The following PASK variants were observed in gnomAD, a reference collection of about 807,000 sequenced individuals.
The protein encoded by PASK is PAS domain-containing serine/threonine-protein kinase.
A neutral mutation model predicts 121.0 loss-of-function variants in PASK; 110 were observed. That is an observed-to-expected ratio of 0.91 (90% CI 0.78 to 1.06). The LOEUF (loss-of-function observed/expected upper bound fraction) is 1.06, where lower values mean the gene tolerates loss of function less well. Among genes scored for constraint, PASK ranks in the 50% least tolerant of loss-of-function variants. The pLI, the probability that PASK is intolerant of heterozygous loss-of-function variation, is 0.00. For missense variants in PASK, 1,643 were observed against 1,702.3 expected (o/e 0.97, Z 0.61); for synonymous variants, 686 against 717.8 (o/e 0.96, Z 0.71).
chr2:241,145,173 A>G (rs1401273428), intron 1 of PASK, among the ~76,000 whole-genome samples: 1 of 151,942 alleles, frequency 6.6e-6, no homozygotes, highest in Non-Finnish European at 1.5e-5. Flanking sequence ...GCGGCCTCCC[A>G]AACTGCTGGG....
chr2:241,137,318 C>A (rs1226507486), intron 6 of PASK, 54 bp from the exon 7 acceptor site: 2 of 1,510,612 alleles, frequency 1.3e-6, no homozygotes, highest in African/African-American at 2.7e-5. Flanking sequence ...GGACAGAGCA[C>A]TGAGTCTGTG....
Position 241,108,724 on chromosome 2 carries a change from G to A in PASK, c.3534-424C>T, listed in dbSNP as rs2064987870. The A allele has an allele frequency of 3.0e-6, 1 of 337,508 alleles. No individual in the cohort carries two copies. The highest frequency in any genetic ancestry group is 2.1e-5 in the African/African-American group (1 of 46,626). 20.9% of individuals were successfully genotyped at this position (337,508 alleles called of 1,614,324 possible). On this transcript the variant is annotated intron_variant, in intron 15 of 17. Transcript: ENST00000234040. This position sits in a 1 kb window ranked among gnomAD's most constrained non-coding sequence, Gnocchi z 5.2. ...TCAGGCATGTTCACGATCTTGGTGT[G>A]AACGGGCTTGGTGTGACCATGGACA...
intron 9 of PASK, 67 bp downstream of exon 9, chr2:241,132,807 G>C (rs959025332): frequency 3.9e-6 from 5 of 1,275,662 alleles, no homozygotes; most frequent in Non-Finnish European, 3.4e-6. Flanking sequence ...TCTCTGACTT[G>C]TTCCTCATTC....
rs2065270249 is a variant in PASK, at chr2:241,115,045, G to A, written c.3331C>T (p.Gln1111Ter). The A allele has an allele frequency of 1.2e-6, 2 of 1,614,144 alleles. No homozygotes were observed. Among genetic ancestry groups the A allele is most frequent in the Non-Finnish European group, 1.7e-6 (2 of 1,179,990 alleles). The change falls in exon 14 of 18, where the codon CAA (glutamine) becomes TAA (stop). Residue 1111 changes from glutamine to a stop codon, truncating the protein, a stop_gained and splice_region_variant. Transcript: ENST00000234040. LOFTEE classifies it high-confidence loss of function. ...DEPLASYIFR[Q>*]LVSAVGYLRL... The stretch of plus-strand genomic sequence containing the variant: ...ACACGGCTCTGGCCTGCTCTCACTT[G>A]TCGGAAGATGTAGCTCGCCAGGGGC...
chr2:241,131,983 G>T (rs1365588449), intron 9 of PASK, among the ~76,000 whole-genome samples: 1 of 149,694 alleles, frequency 6.7e-6, no homozygotes, highest in Non-Finnish European at 1.5e-5. Context: ...GAACCAGGGG[G>T]CAGAAGTTAC....
At chr2:241,145,631 C>A (rs546339151) in intron 1 of PASK, 2 of 151,836 alleles carry the variant, frequency 1.3e-5, no homozygotes, top group East Asian at 3.9e-4. Context: ...AATCCCAGCA[C>A]TTTGGGAGGC....
At chr2:241,113,682 T>C (rs2065204976) in intron 14 of PASK, 2 of 979,054 alleles carry the variant, frequency 2.0e-6, no homozygotes, top group Non-Finnish European at 2.4e-6. Context: ...TACTGAGAGA[T>C]TAACCACAAA....
Position 241,108,550 on chromosome 2 carries a change from G to T in PASK, c.3534-250C>A. 1 of 560,146 alleles carries T rather than the reference G, an allele frequency of 1.8e-6. No individual in the cohort carries two copies. Among genetic ancestry groups the T allele is most frequent in the Non-Finnish European group, 3.2e-6 (1 of 309,602 alleles). 34.7% of individuals were successfully genotyped at this position (560,146 alleles called of 1,614,324 possible). A position where few individuals can be genotyped will look rare whatever the true frequency, so the allele number is the denominator to read the frequency against. On this transcript the variant is annotated intron_variant, in intron 15 of 17. Transcript: ENST00000234040. The surrounding 1 kb of genome is among the most constrained non-coding windows in gnomAD (Gnocchi z 5.2). ...TCCGAGGCTAATCAGGAACTTCCTT[G>T]TGGACACCAACCACAAGACGTGTCT...
intron 12 of PASK, among the ~76,000 whole-genome samples, chr2:241,121,657 A>G (rs1011734806): frequency 6.6e-6 from 1 of 152,236 alleles, no homozygotes; most frequent in Non-Finnish European, 1.5e-5. Context: ...TAAATGACTA[A>G]AAGTAAAAGA....
Position 241,126,317 on chromosome 2 carries a change from C to A in PASK, c.2598G>T (p.Arg866Ser). ...EDTCPSAEEP[R>S]LNVQVTSTPV... ...GCGTGGAGGTGACCTGGACGTTCAG[C>A]CTTGGCTCCTCTGCTGATGGGCACG... The change falls in exon 10 of 18, where the codon AGG becomes AGT. Residue 866 changes from arginine (R) to serine (S), a missense_variant. Arg to Ser is a moderately radical substitution (Grantham distance 110). This residue lies in a region of PASK where 1,176 missense variants were observed against 1,162.2 expected (regional missense o/e 1.01). Transcript: ENST00000234040. The A allele has an allele frequency of 2.5e-6, 4 of 1,614,222 alleles. No homozygotes were observed. Among genetic ancestry groups the A allele is most frequent in the Non-Finnish European group, 3.4e-6 (4 of 1,180,036 alleles).
intron 14 of PASK, 44 bp downstream of exon 14, chr2:241,114,999 C>T: frequency 6.2e-7 from 1 of 1,613,850 alleles, no homozygotes; most frequent in Non-Finnish European, 8.5e-7. Context: ...GACCCAGGCA[C>T]CCAGGCCTGC....
intron 1 of PASK, among the ~76,000 whole-genome samples, chr2:241,145,396 G>A (rs1307114447): frequency 6.6e-6 from 1 of 152,086 alleles, no homozygotes; most frequent in African/African-American, 2.4e-5. Context: ...AGCTAAGGCA[G>A]GATAATTGCT....
intron 14 of PASK, chr2:241,113,212 A>G (rs923654064): frequency 2.0e-5 from 3 of 152,242 alleles, no homozygotes; most frequent in Non-Finnish European, 4.4e-5. Context: ...CAATCAACTT[A>G]GTGACTTCAT....
chr2:241,140,136 T>G (rs1030366152), intron 3 of PASK, 81 bp from the exon 4 acceptor site: 12 of 1,123,910 alleles, frequency 1.1e-5, no homozygotes, highest in Non-Finnish European at 1.6e-5. Flanking sequence ...AGGACGACCA[T>G]GCAGAAGCCA....
intron 12 of PASK, among the ~76,000 whole-genome samples, chr2:241,119,789 A>C (rs2065528158): frequency 6.6e-6 from 1 of 151,948 alleles, no homozygotes; most frequent in Non-Finnish European, 1.5e-5. Flanking sequence ...CTTCTTAATA[A>C]CCCACCTTCT....
chr2:241,124,876 G>A (rs947704243), intron 10 of PASK, among the ~76,000 whole-genome samples: 16 of 152,182 alleles, frequency 1.1e-4, no homozygotes, highest in African/African-American at 3.1e-4. Flanking sequence ...TAAGAAATGA[G>A]GAAAATACAG....
rs201811172 is a variant in PASK at position 241,135,757 on chromosome 2, CCT to C, written c.1306+112_1306+113del. The C allele has an allele frequency of 3.8e-3, 3,770 of 995,442 alleles. 69 individuals carry two copies. The African/African-American group carries it at 0.05, about 13-fold the overall frequency. 61.7% of individuals were successfully genotyped at this position (995,442 alleles called of 1,614,324 possible). On this transcript the variant is annotated intron_variant, in intron 8 of 17. Coordinates refer to ENST00000234040, the MANE Select transcript of PASK (RefSeq NM_015148.4). ...ACCCCCTACTCCGCCCCCCACCACCCCTGAGCCTCTGGAGGGACAATAGCTCC... is the reference window on the plus strand; with the variant it reads ...ACCCCCTACTCCGCCCCCCACCACCCGAGCCTCTGGAGGGACAATAGCTCC...
chr2:241,138,668 C>T lies in PASK; in HGVS notation c.727G>A (p.Ala243Thr), dbSNP rs780763956. ...TGCACACTCACATCGCTCTGGAAAG[C>T]GACCCAGGTCGAGACCCTCTCCACG... ...EPVERVSTWV[A>T]FQSDGTVTSC... The change falls in exon 5 of 18, where the codon GCT becomes ACT. Residue 243 changes from alanine (A) to threonine (T), a missense_variant. Ala to Thr is a moderately conservative substitution (Grantham distance 58). Coordinates refer to ENST00000234040, the MANE Select transcript of PASK (RefSeq NM_015148.4). 28 of 1,613,906 alleles carry T rather than the reference C, an allele frequency of 1.7e-5. No individual in the cohort carries two copies. Among genetic ancestry groups the T allele is most frequent in the Admixed American group, 3.3e-5 (2 of 60,010 alleles).
In PASK at chr2:241,108,742, C is replaced by A. The variant is rs1231907049; in HGVS notation, c.3534-442G>T. On this transcript the variant is annotated intron_variant, in intron 15 of 17. Coordinates refer to ENST00000234040, the MANE Select transcript of PASK (RefSeq NM_015148.4). This position sits in a 1 kb window ranked among gnomAD's most constrained non-coding sequence, Gnocchi z 5.2. ...TTGGTGTGAACGGGCTTGGTGTGAC[C>A]ATGGACACACATGCCCTTTAGGAAG... is the stretch of plus-strand genomic sequence containing the variant. The A allele has an allele frequency of 6.4e-6, 2 of 311,748 alleles. No individual in the cohort carries two copies. Among genetic ancestry groups the A allele is most frequent in the Non-Finnish European group, 1.3e-5 (2 of 158,202 alleles). 19.3% of individuals were successfully genotyped at this position (311,748 alleles called of 1,614,324 possible).
Sources: allele counts gnomAD v4.1 joint callset (sites outside exome capture counted in the v4.1 genomes callset), GRCh38; gene constraint gnomAD v4.1.1; regional missense constraint gnomAD v4.1.1; non-coding constraint Gnocchi (gnomAD v3.1); transcripts MANE v1.5; gene names NCBI Gene and HGNC (gene_info 2026-07-23, HGNC 2026-07-21).